Variants in GATAD2B observed in about 807,000 individuals in gnomAD.
The protein encoded by GATAD2B is GATA zinc finger domain containing 2B.
A neutral mutation model predicts 64.3 loss-of-function variants in GATAD2B; 8 were observed. The observed-to-expected ratio is 0.12, with a 90% CI of 0.07 to 0.22. The LOEUF (loss-of-function observed/expected upper bound fraction) is 0.22. Ranked by LOEUF, GATAD2B falls within the 10% of genes least tolerant of loss-of-function variation. The pLI, the probability that GATAD2B is intolerant of heterozygous loss-of-function variation, is 1.00. For synonymous variants in GATAD2B, 281 were observed against 271.3 expected, an observed-to-expected ratio of 1.04 and a Z score of -0.35; for missense variants, 453 against 752.0, an observed-to-expected ratio of 0.60 and a Z score of 4.65.
chr1:153,841,404 C>G (rs145209200), intron 1 of GATAD2B, among the ~76,000 whole-genome samples: 9 of 152,252 alleles, frequency 5.9e-5, no homozygotes, highest in Admixed American at 5.9e-4. Flanking sequence ...CCTCAAGGAG[C>G]CCTCGTGTTA....
In GATAD2B at chr1:153,805,768, C is replaced by G. The variant is rs1319259263; in HGVS notation, c.*4409G>C. On this transcript the variant is annotated 3_prime_UTR_variant, in exon 11 of 11. Transcript: ENST00000368655. Reference sequence around the variant, plus strand: ...TTGATACTCAGAAAATTAACTCTACCAAAGATCATATAGCAAGTTAGTAGG... The same window carrying G: ...TTGATACTCAGAAAATTAACTCTACGAAAGATCATATAGCAAGTTAGTAGG... The G allele has an allele frequency of 2.0e-5, 3 of 152,136 alleles. No individual in the cohort carries two copies. Among genetic ancestry groups the G allele is most frequent in the Non-Finnish European group, 4.4e-5 (3 of 68,042 alleles). The allele number at this position is 152,136 out of a possible 1,614,324, so 9.4% of individuals were successfully genotyped here. A position where few individuals can be genotyped will look rare whatever the true frequency, so the allele number is the denominator to read the frequency against.
chr1:153,898,999 G>C (rs904538963), intron 1 of GATAD2B: 2 of 152,192 alleles, frequency 1.3e-5, no homozygotes, highest in African/African-American at 4.8e-5. Context: ...TTAAAAGATT[G>C]TGAGGACAAG....
At chr1:153,908,780 TG>T (rs71093302) in intron 1 of GATAD2B, among the ~76,000 whole-genome samples, 88,417 of 115,534 alleles carry the variant, frequency 0.77, 34,073 homozygotes, top group Admixed American at 0.85. Flanking sequence ...GAAACATACT[TG>T]GAAAAAAAAA....
At chr1:153,852,355 T>C in intron 1 of GATAD2B, 2 of 889,424 alleles carry the variant, frequency 2.2e-6, no homozygotes, top group South Asian at 2.6e-5. Context: ...TGAGTAGATG[T>C]CGCCTGCCAT....
intron 2 of GATAD2B, chr1:153,827,738 T>C (rs898448233): frequency 1.4e-4 from 63 of 465,200 alleles, no homozygotes; most frequent in Non-Finnish European, 1.8e-4. Context: ...ATTAACTCAC[T>C]TCCATTTGGC....
chr1:153,869,076 T>C (rs955184925), intron 1 of GATAD2B, among the ~76,000 whole-genome samples: 2 of 152,088 alleles, frequency 1.3e-5, no homozygotes, highest in Admixed American at 1.3e-4. Flanking sequence ...GCAGATCACC[T>C]GAGGTCAAGA....
chr1:153,830,173 A>T (rs932862211), intron 1 of GATAD2B, among the ~76,000 whole-genome samples: 1 of 152,064 alleles, frequency 6.6e-6, no homozygotes, highest in Admixed American at 6.6e-5. Context: ...TTTGAGATGG[A>T]CTCTTGTTCT....
intron 1 of GATAD2B, among the ~76,000 whole-genome samples, chr1:153,829,224 ATCT>A (rs1674993262): frequency 6.6e-6 from 1 of 152,128 alleles, no homozygotes; most frequent in East Asian, 1.9e-4. Flanking sequence ...CAAAAAAAAA[ATCT>A]AAATGCAAAT....
chr1:153,810,439 G>T, intron 10 of GATAD2B, 129 bp from the exon 11 acceptor site: 3 of 855,782 alleles, frequency 3.5e-6, no homozygotes, highest in Non-Finnish European at 5.5e-6. Context: ...GGTCACACTT[G>T]GTTAGCTTTA....
intron 1 of GATAD2B, among the ~76,000 whole-genome samples, chr1:153,901,638 A>G (rs1677776474): frequency 6.6e-6 from 1 of 151,682 alleles, no homozygotes; most frequent in Non-Finnish European, 1.5e-5. Context: ...CAGCCTGGCT[A>G]ACATGGTGAA....
At chr1:153,885,602 T>G (rs1478007184) in intron 1 of GATAD2B, among the ~76,000 whole-genome samples, 4 of 151,844 alleles carry the variant, frequency 2.6e-5, no homozygotes, top group Non-Finnish European at 5.9e-5. Context: ...GCGCGGTGGC[T>G]CATGCCTGTA....
intron 1 of GATAD2B, among the ~76,000 whole-genome samples, chr1:153,854,559 G>C (rs546332342): frequency 9.9e-5 from 15 of 152,180 alleles, no homozygotes; most frequent in Middle Eastern, 3.4e-3. Flanking sequence ...AATTCTTTCA[G>C]GCTCAACTAG....
rs1164110638 is a variant in GATAD2B at position 153,906,908 on chromosome 1, A to T, written c.-2+15825T>A. Among the ~76,000 whole-genome samples the T allele has an allele frequency of 3.9e-5, 6 of 152,214 alleles. No individual in the cohort carries two copies. In the East Asian group the frequency reaches 7.7e-4, roughly 19 times the overall value. On this transcript the variant is annotated intron_variant, in intron 1 of 10. Coordinates refer to ENST00000368655, the MANE Select transcript of GATAD2B (RefSeq NM_020699.4). The stretch of plus-strand genomic sequence containing the variant: ...ACCTGAAAAGATGATCAACATCACT[A>T]ATCTTAGGGAATTACAAATCAAAAC...
At chr1:153,847,407 T>C (rs2101907132) in intron 1 of GATAD2B, among the ~76,000 whole-genome samples, 1 of 152,312 alleles carries the variant, frequency 6.6e-6, no homozygotes, top group Non-Finnish European at 1.5e-5. Context: ...CTTTTTGAGA[T>C]GGAGTCTCCC....
At chr1:153,836,249 C>T (rs144422042) in intron 1 of GATAD2B, among the ~76,000 whole-genome samples, 2 of 142,868 alleles carry the variant, frequency 1.4e-5, no homozygotes, top group African/African-American at 5.1e-5. Flanking sequence ...AGACTCATCT[C>T]TAAAAAAAAA....
At chr1:153,897,108 A>G (rs1287974663) in intron 1 of GATAD2B, among the ~76,000 whole-genome samples, 1 of 149,268 alleles carries the variant, frequency 6.7e-6, no homozygotes, top group East Asian at 2.0e-4. Flanking sequence ...GGCTCACTGC[A>G]GGCTCCACCC....
At chr1:153,812,731 G>T (rs1488709792) in intron 8 of GATAD2B, among the ~76,000 whole-genome samples, 1 of 152,132 alleles carries the variant, frequency 6.6e-6, no homozygotes, top group African/African-American at 2.4e-5. Context: ...GGACTCTGAT[G>T]GGTGGAGTGG....
intron 1 of GATAD2B, among the ~76,000 whole-genome samples, chr1:153,846,508 G>A (rs912983085): frequency 6.6e-6 from 1 of 150,630 alleles, no homozygotes; most frequent in African/African-American, 2.4e-5. Flanking sequence ...AAAGTGCTAG[G>A]ATTACAGGCA....
At chr1:153,826,393 CA>C (rs1007014847) in intron 2 of GATAD2B, among the ~76,000 whole-genome samples, 3 of 152,204 alleles carry the variant, frequency 2.0e-5, no homozygotes, top group African/African-American at 7.2e-5. Context: ...CTTTGGGAGG[CA>C]GAGGTGGGCA....
Sources: allele counts gnomAD v4.1 joint callset (sites outside exome capture counted in the v4.1 genomes callset), GRCh38; gene constraint gnomAD v4.1.1; transcripts MANE v1.5; gene names NCBI Gene and HGNC (gene_info 2026-07-23, HGNC 2026-07-21).